The following MSRA variants were observed in gnomAD, a reference collection of about 807,000 sequenced individuals.
The protein encoded by MSRA is mitochondrial peptide methionine sulfoxide reductase.
A neutral mutation model predicts 31.3 loss-of-function variants in MSRA; 54 were observed. That is an observed-to-expected ratio of 1.73 (90% CI 1.39 to 2.17). The LOEUF (loss-of-function observed/expected upper bound fraction) is 2.17, where lower values mean the gene tolerates loss of function less well. Among genes scored for constraint, MSRA ranks in the 30% most tolerant of loss-of-function variants. The pLI is 0.00. For synonymous variants in MSRA, 169 were observed against 116.5 expected (o/e 1.45, Z -2.90); for missense variants, 507 against 300.9 (o/e 1.69, Z -5.07).
chr8:10,343,867 A>C (rs2129152852), intron 5 of MSRA, among the ~76,000 whole-genome samples: 1 of 152,238 alleles, frequency 6.6e-6, no homozygotes, highest in Non-Finnish European at 1.5e-5. Flanking sequence ...AATAATCAGC[A>C]CTCCGTATGC....
chr8:10,221,721 A>G (rs906594501), intron 2 of MSRA, among the ~76,000 whole-genome samples: 1 of 152,238 alleles, frequency 6.6e-6, no homozygotes, highest in African/African-American at 2.4e-5. Context: ...CTGTTGATTA[A>G]AATAAAGCAG....
chr8:10,244,169 A>G (rs918387017), intron 2 of MSRA, among the ~76,000 whole-genome samples: 5 of 152,202 alleles, frequency 3.3e-5, no homozygotes, highest in Non-Finnish European at 5.9e-5. Flanking sequence ...GATCTCAGTT[A>G]TACGTAACTT....
intron 1 of MSRA, among the ~76,000 whole-genome samples, chr8:10,130,014 A>C (rs1801784440): frequency 6.6e-6 from 1 of 152,232 alleles, no homozygotes; most frequent in Admixed American, 6.5e-5. Flanking sequence ...ATATGCTAGC[A>C]GTACCTACAT....
intron 2 of MSRA, among the ~76,000 whole-genome samples, chr8:10,212,185 TA>T (rs747249770): frequency 1.3e-3 from 182 of 140,938 alleles, no homozygotes; most frequent in Non-Finnish European, 1.2e-3. Flanking sequence ...AGACTCTGTC[TA>T]AAAAAAAAAA....
chr8:10,320,130 G>C, intron 5 of MSRA, 141 bp downstream of exon 5: 2 of 580,642 alleles, frequency 3.4e-6, no homozygotes, highest in South Asian at 5.1e-5. Context: ...TCAGCCTCTA[G>C]GAGTGGAGCC....
intron 1 of MSRA, among the ~76,000 whole-genome samples, chr8:10,150,655 C>A (rs1803586195): frequency 6.6e-6 from 1 of 152,106 alleles, no homozygotes; most frequent in South Asian, 2.1e-4. Context: ...TGACAGATAT[C>A]TGTGGGTTTG....
chr8:10,055,996 C>T (rs972600668), intron 1 of MSRA, among the ~76,000 whole-genome samples: 5 of 151,868 alleles, frequency 3.3e-5, no homozygotes, highest in African/African-American at 1.2e-4. Context: ...TAGTAAACAT[C>T]TATACTTATA....
chr8:10,135,028 C>T (rs1802170100), intron 1 of MSRA, among the ~76,000 whole-genome samples: 1 of 152,184 alleles, frequency 6.6e-6, no homozygotes, highest in Non-Finnish European at 1.5e-5. Flanking sequence ...TAATATCTGA[C>T]CTCAGCTTTA....
intron 5 of MSRA, among the ~76,000 whole-genome samples, chr8:10,371,232 A>T (rs546851596): frequency 4.6e-5 from 7 of 152,298 alleles, no homozygotes; most frequent in African/African-American, 1.7e-4. Context: ...GAAAGCCAGA[A>T]GGGAAGTAGT....
Position 10,245,238 on chromosome 8 carries a change from C to T in MSRA, c.331+15C>T, listed in dbSNP as rs982961841. On this transcript the variant is annotated intron_variant, in intron 3 of 5. Coordinates refer to ENST00000317173, the MANE Select transcript of MSRA (RefSeq NM_012331.5). ...AGTCTGCTCAGGTAGGAAGAATTTG[C>T]TTTATTGTATTACTAGGAGAAACAA... The T allele has an allele frequency of 4.3e-6, 7 of 1,611,066 alleles. No homozygotes were observed. Among genetic ancestry groups the T allele is most frequent in the Non-Finnish European group, 5.9e-6 (7 of 1,178,614 alleles).
intron 5 of MSRA, among the ~76,000 whole-genome samples, chr8:10,322,887 C>G (rs147710658): frequency 6.6e-6 from 1 of 151,996 alleles, no homozygotes; most frequent in African/African-American, 2.4e-5. Context: ...GTCAGGACTT[C>G]GAGACCAGCC....
chr8:10,385,182 G>T (rs1374067444), intron 5 of MSRA, among the ~76,000 whole-genome samples: 1 of 152,180 alleles, frequency 6.6e-6, no homozygotes, highest in East Asian at 1.9e-4. Flanking sequence ...AAGGGGGATT[G>T]TGGCTAAAGT....
chr8:10,120,453 C>T (rs755132654), intron 1 of MSRA, among the ~76,000 whole-genome samples: 4 of 152,168 alleles, frequency 2.6e-5, no homozygotes, highest in Non-Finnish European at 5.9e-5. Flanking sequence ...AGTGACACCA[C>T]GATTTAAGGA....
At chr8:10,109,561 C>T (rs1800131897) in intron 1 of MSRA, among the ~76,000 whole-genome samples, 1 of 152,016 alleles carries the variant, frequency 6.6e-6, no homozygotes, top group South Asian at 2.1e-4. Flanking sequence ...AGGCTGGTCT[C>T]GAATTCCTGA....
At chr8:10,327,541 T>C (rs1192332159) in intron 5 of MSRA, among the ~76,000 whole-genome samples, 1 of 152,202 alleles carries the variant, frequency 6.6e-6, no homozygotes, top group East Asian at 1.9e-4. Context: ...ATTTAGTGAC[T>C]CCCTAAGCTC....
chr8:10,223,566 A>G (rs1810712718), intron 2 of MSRA, among the ~76,000 whole-genome samples: 1 of 152,226 alleles, frequency 6.6e-6, no homozygotes, highest in Non-Finnish European at 1.5e-5. Flanking sequence ...TGTAGCACAT[A>G]GAGAAAAACT....
Position 10,224,213 on chromosome 8 carries a change from C to T in MSRA, c.211+16312C>T, listed in dbSNP as rs115438809. On this transcript the variant is annotated intron_variant, in intron 2 of 5. Transcript: ENST00000317173. ...GTGGTTATCTGGTGTCACCGTTCAC[C>T]CACTTAGCTATAAACCAGATTAAGA... Among the ~76,000 whole-genome samples, 954 of 152,266 alleles carry T rather than the reference C, an allele frequency of 6.3e-3. 16 individuals are homozygous for T. The highest frequency in any genetic ancestry group is 0.021 in the African/African-American group (864 of 41,534).
intron 3 of MSRA, among the ~76,000 whole-genome samples, chr8:10,261,389 T>TAAAA (rs35866533): frequency 2.1e-5 from 3 of 143,088 alleles, no homozygotes; most frequent in Admixed American, 6.9e-5. Context: ...ATCTGTTACT[T>TAAAA]AAAAAAAAAA....
intron 5 of MSRA, among the ~76,000 whole-genome samples, chr8:10,401,957 T>C (rs1223321428): frequency 6.6e-6 from 1 of 152,192 alleles, no homozygotes; most frequent in Non-Finnish European, 1.5e-5. Context: ...GATGACAGTT[T>C]TTGAAAATGG....
Sources: gnomAD v4.1 joint callset for allele counts (sites outside exome capture counted in the v4.1 genomes callset) on GRCh38, gnomAD v4.1.1 for gene constraint, MANE v1.5 for transcripts, NCBI Gene and HGNC (gene_info 2026-07-23, HGNC 2026-07-21) for gene names.